Variants in NKAIN2 observed in about 807,000 individuals in gnomAD.
NKAIN2 encodes the protein sodium/potassium transporting ATPase interacting 2, also known as sodium/potassium-transporting ATPase subunit beta-1-interacting protein 2.
Under a neutral mutation model 32.6 loss-of-function variants are expected in NKAIN2, and 14 were observed. That is an observed-to-expected ratio of 0.43 (90% CI 0.28 to 0.67). The LOEUF is 0.67. Among genes scored for constraint, NKAIN2 ranks in the 30% least tolerant of loss-of-function variants. The probability of loss-of-function intolerance (pLI) is 0.17; values close to 1 mark genes in which losing one functional copy is unlikely to be tolerated. For missense variants in NKAIN2, 198 were observed against 258.3 expected, an observed-to-expected ratio of 0.77 and a Z score of 1.60; for synonymous variants, 80 against 87.2, an observed-to-expected ratio of 0.92 and a Z score of 0.46.
intron 1 of NKAIN2, among the ~76,000 whole-genome samples, chr6:123,929,533 C>A (rs1776157758): frequency 6.6e-6 from 1 of 152,084 alleles, no homozygotes; most frequent in Non-Finnish European, 1.5e-5. Flanking sequence ...TAACTTTTTG[C>A]ATGTTCATGC....
At chr6:124,193,382 G>T (rs914031008) in intron 1 of NKAIN2, among the ~76,000 whole-genome samples, 1 of 152,182 alleles carries the variant, frequency 6.6e-6, no homozygotes, top group African/African-American at 2.4e-5. Flanking sequence ...GCAGCTCCAG[G>T]CGCCAACATG....
chr6:124,021,244 T>C lies in NKAIN2; in HGVS notation c.54+216990T>C, dbSNP rs181853967. Reference sequence around the variant, plus strand: ...GGGTGCACACACACGTACACACACGTAACAATATATAGCATGTATATGTGT... The same window carrying C: ...GGGTGCACACACACGTACACACACGCAACAATATATAGCATGTATATGTGT... On this transcript the variant is annotated intron_variant, in intron 1 of 6. Transcript: ENST00000368417. Among the ~76,000 whole-genome samples, 25 of 152,208 alleles carry C rather than the reference T, an allele frequency of 1.6e-4. No individual in the cohort carries two copies. The East Asian group carries it at 4.8e-3, about 29-fold the overall frequency.
At chr6:124,180,510 G>A (rs1469674327) in intron 1 of NKAIN2, among the ~76,000 whole-genome samples, 1 of 152,090 alleles carries the variant, frequency 6.6e-6, no homozygotes, top group African/African-American at 2.4e-5. Context: ...TACAATTCAA[G>A]ATGAGATTTG....
At chr6:124,523,814 G>A (rs1015974913) in intron 3 of NKAIN2, among the ~76,000 whole-genome samples, 9 of 152,000 alleles carry the variant, frequency 5.9e-5, no homozygotes, top group African/African-American at 1.9e-4. Flanking sequence ...CAATCAGAAG[G>A]TCTTCAAAGA....
chr6:123,943,612 T>G (rs1776924500), intron 1 of NKAIN2, among the ~76,000 whole-genome samples: 1 of 152,034 alleles, frequency 6.6e-6, no homozygotes, highest in Non-Finnish European at 1.5e-5. Context: ...TTGGAAAGAT[T>G]TTAGGAGATA....
At chr6:124,804,342 T>A (rs1780418533) in intron 5 of NKAIN2, 1 of 172,812 alleles carries the variant, frequency 5.8e-6, no homozygotes, top group Non-Finnish European at 1.1e-5. Flanking sequence ...CAAGTGAACC[T>A]TATATTTCAT....
intron 1 of NKAIN2, among the ~76,000 whole-genome samples, chr6:123,913,814 A>AT (rs1246058406): frequency 6.6e-6 from 1 of 152,158 alleles, no homozygotes; most frequent in East Asian, 1.9e-4. Flanking sequence ...AAAAGAGAAA[A>AT]TAACTTTATA....
chr6:124,559,542 T>G (rs1780608387), intron 3 of NKAIN2, among the ~76,000 whole-genome samples: 1 of 152,192 alleles, frequency 6.6e-6, no homozygotes, highest in Non-Finnish European at 1.5e-5. Context: ...AACTTTCCCT[T>G]CATTCTAGAC....
At chr6:124,337,713 C>CTAG (rs1222758359) in intron 2 of NKAIN2, among the ~76,000 whole-genome samples, 1 of 152,196 alleles carries the variant, frequency 6.6e-6, no homozygotes. Context: ...CTGGGGAACT[C>CTAG]TAGTTACCCT....
chr6:124,219,445 T>C (rs1159857432), intron 1 of NKAIN2, among the ~76,000 whole-genome samples: 3 of 151,766 alleles, frequency 2.0e-5, no homozygotes, highest in Non-Finnish European at 4.4e-5. Flanking sequence ...ATCCGACTAA[T>C]TTTTGTATTT....
intron 4 of NKAIN2, among the ~76,000 whole-genome samples, chr6:124,747,490 G>C (rs1018470932): frequency 6.6e-6 from 1 of 151,768 alleles, no homozygotes; most frequent in Non-Finnish European, 1.5e-5. Flanking sequence ...TTCCCCAGCT[G>C]CACCTTATCA....
chr6:123,985,924 G>A (rs1216220419), intron 1 of NKAIN2, among the ~76,000 whole-genome samples: 2 of 152,100 alleles, frequency 1.3e-5, no homozygotes, highest in African/African-American at 4.8e-5. Flanking sequence ...GAGATGTAAT[G>A]TATTCAAGAA....
chr6:124,776,906 G>A (rs980755601), intron 4 of NKAIN2, among the ~76,000 whole-genome samples: 1 of 152,030 alleles, frequency 6.6e-6, no homozygotes, highest in African/African-American at 2.4e-5. Flanking sequence ...CTATTGCTGA[G>A]TGTCTATATT....
chr6:124,725,129 C>A (rs7768327), intron 4 of NKAIN2, among the ~76,000 whole-genome samples: 1 of 152,062 alleles, frequency 6.6e-6, no homozygotes, highest in Non-Finnish European at 1.5e-5. Context: ...AATGAACCAT[C>A]ATGTTAAGTA....
intron 3 of NKAIN2, among the ~76,000 whole-genome samples, chr6:124,568,007 C>A (rs1780985444): frequency 6.6e-6 from 1 of 152,084 alleles, no homozygotes; most frequent in Non-Finnish European, 1.5e-5. Flanking sequence ...AGCTCTGGAG[C>A]CAGGGCAAGC....
chr6:124,163,861 C>T (rs1008750871), intron 1 of NKAIN2, among the ~76,000 whole-genome samples: 2 of 151,974 alleles, frequency 1.3e-5, no homozygotes, highest in Admixed American at 6.6e-5. Context: ...TGGAAAAGAA[C>T]AGTTAGTCTC....
intron 1 of NKAIN2, among the ~76,000 whole-genome samples, chr6:124,049,890 T>C (rs1828364): frequency 0.013 from 1,947 of 152,158 alleles, 110 homozygotes; most frequent in Admixed American, 0.099. Context: ...ACCAGCAGTT[T>C]GGACGTGCCA....
intron 3 of NKAIN2, 133 bp from the exon 4 acceptor site, chr6:124,658,053 T>A: frequency 1.6e-6 from 1 of 642,328 alleles, no homozygotes; most frequent in Non-Finnish European, 2.6e-6. Context: ...TCCTGTAAAA[T>A]ACAGCATGGG....
At chr6:124,703,008 T>C (rs2114574432) in intron 4 of NKAIN2, among the ~76,000 whole-genome samples, 1 of 152,200 alleles carries the variant, frequency 6.6e-6, no homozygotes, top group East Asian at 1.9e-4. Context: ...CATCTTGAGC[T>C]CATGTGCTGG....
Sources: allele counts gnomAD v4.1 joint callset (sites outside exome capture counted in the v4.1 genomes callset), GRCh38; gene constraint gnomAD v4.1.1; transcripts MANE v1.5; gene names NCBI Gene and HGNC (gene_info 2026-07-23, HGNC 2026-07-21).